The following LRBA variants were observed in gnomAD, a reference collection of about 807,000 sequenced individuals.
LRBA encodes the protein lipopolysaccharide-responsive and beige-like anchor protein.
Under a neutral mutation model 330.0 loss-of-function variants are expected in LRBA, and 176 were observed. The ratio of observed to expected loss-of-function variants is 0.53; its 90% CI spans 0.47 to 0.60. The LOEUF is 0.60. LRBA is among the 20% of genes least tolerant of loss of function. The pLI, the probability that LRBA is intolerant of heterozygous loss-of-function variation, is 0.00. For missense variants in LRBA, 3,259 were observed against 3,444.8 expected, an observed-to-expected ratio of 0.95 and a Z score of 1.35; for synonymous variants, 1,230 against 1,193.0, an observed-to-expected ratio of 1.03 and a Z score of -0.64.
chr4:150,698,608 G>GT (rs923730521), intron 36 of LRBA, among the ~76,000 whole-genome samples: 5 of 152,120 alleles, frequency 3.3e-5, no homozygotes, highest in African/African-American at 7.2e-5. Flanking sequence ...TAAAATAGCT[G>GT]TTTTTTTAAC....
chr4:150,671,533 A>C (rs777060230), intron 37 of LRBA, among the ~76,000 whole-genome samples: 1 of 152,218 alleles, frequency 6.6e-6, no homozygotes, highest in Non-Finnish European at 1.5e-5. Flanking sequence ...AACATGTGAT[A>C]ACAATTTTTA....
intron 31 of LRBA, among the ~76,000 whole-genome samples, chr4:150,809,849 AAATACGATACGATACGATAC>A (rs1358118031): frequency 6.9e-6 from 1 of 144,908 alleles, no homozygotes. Flanking sequence ...CCCTGTCTTA[AAATACGATACGATACGATAC>A]GATACGATAC....
intron 40 of LRBA, among the ~76,000 whole-genome samples, chr4:150,525,800 G>A (rs944265789): frequency 6.6e-6 from 1 of 151,948 alleles, no homozygotes; most frequent in Non-Finnish European, 1.5e-5. Context: ...ACTATATTAT[G>A]CTAGGTTGTA....
chr4:150,372,151 A>G (rs540567352), intron 47 of LRBA, among the ~76,000 whole-genome samples: 1 of 152,292 alleles, frequency 6.6e-6, no homozygotes, highest in South Asian at 2.1e-4. Context: ...TTTAGTTCTT[A>G]AATTACAAAG....
chr4:150,436,070 T>C (rs758507766), intron 45 of LRBA, among the ~76,000 whole-genome samples: 11 of 152,180 alleles, frequency 7.2e-5, no homozygotes, highest in Non-Finnish European at 1.3e-4. Context: ...ATTTAATTTA[T>C]GATTAAGAAA....
chr4:150,707,947 T>A lies in LRBA; in HGVS notation c.5755-24230A>T, dbSNP rs76387073. 2.4e-3 allele frequency among the ~76,000 whole-genome samples: 370 copies of A among 151,808 alleles called. 15 individuals are homozygous for A. In the East Asian group the frequency reaches 0.048, roughly 20 times the overall value. On this transcript the variant is annotated intron_variant, in intron 36 of 56. Coordinates refer to ENST00000651943, the MANE Select transcript of LRBA (RefSeq NM_001364905.1). ...ACAATTTGCTAAAGAAAACCAGACA[T>A]TAGTCAATAAATACAAAAATTACCT...
At chr4:150,937,985 T>C (rs1342288777) in intron 2 of LRBA, among the ~76,000 whole-genome samples, 1 of 151,346 alleles carries the variant, frequency 6.6e-6, no homozygotes, top group Non-Finnish European at 1.5e-5. Flanking sequence ...AAAATTCAAA[T>C]ACTTCAAAGT....
intron 40 of LRBA, chr4:150,579,813 AAC>A (rs927065029): frequency 1.1e-5 from 5 of 441,718 alleles, no homozygotes; most frequent in African/African-American, 2.0e-5. Context: ...GCTGTTTGCA[AAC>A]ACTCACTCTC....
At position 150,928,872 on chromosome 4, in the gene LRBA, A is replaced by G; in HGVS notation, c.410T>C (p.Val137Ala). ...VCTEVGLVEK[V>A]LGKIEKVDNM... ...GTCAACTTTTTCAATTTTCCCAAGC[A>G]CTTTTTCAACAAGGCCTACTTCAGT... Residue 137 changes from valine (V) to alanine (A), a missense_variant, in exon 3 of 57, where the codon GTG becomes GCG. Coordinates refer to ENST00000651943, the MANE Select transcript of LRBA (RefSeq NM_001364905.1). 1 of 1,614,100 alleles carries G rather than the reference A, an allele frequency of 6.2e-7. No homozygotes were observed.
chr4:150,888,131 AAAGGAAAAAGGT>A lies in LRBA; in HGVS notation c.2165+4909_2165+4920del, dbSNP rs571637937. Among the ~76,000 whole-genome samples the A allele has an allele frequency of 7.6e-3, 1,161 of 152,302 alleles. 1 individual carries two copies. The highest frequency in any genetic ancestry group is 0.011 in the Non-Finnish European group (756 of 68,022). On this transcript the variant is annotated intron_variant, in intron 17 of 56. Coordinates refer to ENST00000651943, the MANE Select transcript of LRBA (RefSeq NM_001364905.1). ...AGAAGAAAAACACAGGAAAGAAAGGAAAGGAAAAAGGTAAGGAAAAAGGAAAGGAAAAAAATG... is the reference window on the plus strand; with the variant it reads ...AGAAGAAAAACACAGGAAAGAAAGGAAAGGAAAAAGGAAAGGAAAAAAATG...
Position 150,358,649 on chromosome 4 carries a change from TA to T in LRBA, c.7195-8491del, listed in dbSNP as rs560300484. Among the ~76,000 whole-genome samples, 634 of 152,294 alleles carry T rather than the reference TA, an allele frequency of 4.2e-3. 4 individuals carry two copies. The highest frequency in any genetic ancestry group is 0.014 in the African/African-American group (586 of 41,564). On this transcript the variant is annotated intron_variant, in intron 47 of 56. Transcript: ENST00000651943. ...GACATAAGTAATTAAAATATTAATT[TA>T]AAGTGGTCAATTATCCACCTAGGTA...
intron 40 of LRBA, among the ~76,000 whole-genome samples, chr4:150,507,239 T>C (rs1200300817): frequency 6.6e-6 from 1 of 152,182 alleles, no homozygotes; most frequent in African/African-American, 2.4e-5. Context: ...TTAAAGTTCA[T>C]ATGGAATCAA....
chr4:150,828,909 A>G (rs1369959928), intron 29 of LRBA, among the ~76,000 whole-genome samples: 1 of 142,932 alleles, frequency 7.0e-6, no homozygotes, highest in African/African-American at 2.6e-5. Context: ...AAAAGTCTAT[A>G]ATCTTTTTTG....
intron 30 of LRBA, among the ~76,000 whole-genome samples, chr4:150,823,463 C>T (rs1172445837): frequency 2.6e-5 from 4 of 152,050 alleles, no homozygotes; most frequent in African/African-American, 7.2e-5. Context: ...AGTTCTGTAG[C>T]TTGATGTGAT....
intron 37 of LRBA, among the ~76,000 whole-genome samples, chr4:150,606,063 T>C (rs1249907895): frequency 1.3e-5 from 2 of 152,184 alleles, no homozygotes; most frequent in African/African-American, 4.8e-5. Context: ...CACTATTCAA[T>C]GTATGTCTGT....
chr4:150,881,448 T>C (rs1463536725), intron 17 of LRBA, among the ~76,000 whole-genome samples: 2 of 152,126 alleles, frequency 1.3e-5, no homozygotes, highest in African/African-American at 4.8e-5. Context: ...TTCTCAGTTA[T>C]AACTAGGAGC....
intron 40 of LRBA, among the ~76,000 whole-genome samples, chr4:150,544,016 G>A (rs978116092): frequency 6.6e-6 from 1 of 152,028 alleles, no homozygotes; most frequent in African/African-American, 2.4e-5. Flanking sequence ...CTGCTCTTCA[G>A]TAGTCTCCAC....
chr4:150,269,250 T>A (rs543803974), intron 56 of LRBA, among the ~76,000 whole-genome samples: 8 of 152,246 alleles, frequency 5.3e-5, no homozygotes, highest in South Asian at 2.1e-4. Flanking sequence ...TTTGAAAACT[T>A]ACTTACTGTT....
intron 37 of LRBA, among the ~76,000 whole-genome samples, chr4:150,673,796 C>A (rs968919738): frequency 2.6e-5 from 4 of 152,000 alleles, no homozygotes; most frequent in Non-Finnish European, 5.9e-5. Flanking sequence ...GTTTTTAATC[C>A]GGGTCCAATC....
Sources: gnomAD v4.1 joint callset for allele counts (sites outside exome capture counted in the v4.1 genomes callset) on GRCh38, gnomAD v4.1.1 for gene constraint, MANE v1.5 for transcripts, NCBI Gene and HGNC (gene_info 2026-07-23, HGNC 2026-07-21) for gene names.